Variants in CRAMP1 observed in about 807,000 individuals in gnomAD.
CRAMP1 encodes the protein protein cramped-like.
A neutral mutation model predicts 115.4 loss-of-function variants in CRAMP1; 50 were observed. The ratio of observed to expected loss-of-function variants is 0.43; its 90% CI spans 0.35 to 0.55. CRAMP1 has a LOEUF of 0.55. Among genes scored for constraint, CRAMP1 ranks in the 20% least tolerant of loss-of-function variants. CRAMP1 has a pLI of 0.01. For missense variants in CRAMP1, 1,679 were observed against 1,721.7 expected, an observed-to-expected ratio of 0.98 and a Z score of 0.44; for synonymous variants, 866 against 745.4, an observed-to-expected ratio of 1.16 and a Z score of -2.64.
intron 8 of CRAMP1, among the ~76,000 whole-genome samples, chr16:1,654,106 G>A (rs1339352791): frequency 6.8e-6 from 1 of 146,204 alleles, no homozygotes. Flanking sequence ...TTGCGCCCCT[G>A]CCCTCCAGCC....
chr16:1,666,319 C>T lies in CRAMP1; in HGVS notation c.2858-103C>T. ...AGAACATCTAAGCCCTTGGCTCTTG[C>T]ATTGACATGAGGTGCGAGGGAGAAG... On this transcript the variant is annotated intron_variant, in intron 15 of 20. Coordinates refer to ENST00000397412, the MANE Select transcript of CRAMP1 (RefSeq NM_020825.4). The surrounding 1 kb of genome is among the most constrained non-coding windows in gnomAD (Gnocchi z 5.0). The T allele has an allele frequency of 4.0e-6, 5 of 1,240,932 alleles. No individual in the cohort carries two copies. Among genetic ancestry groups the T allele is most frequent in the Non-Finnish European group, 5.7e-6 (5 of 873,132 alleles). The allele number at this position is 1,240,932 out of a possible 1,614,324, so 76.9% of individuals were successfully genotyped here.
chr16:1,662,217 C>G (rs1176806520), intron 11 of CRAMP1, among the ~76,000 whole-genome samples: 1 of 152,208 alleles, frequency 6.6e-6, no homozygotes, highest in Non-Finnish European at 1.5e-5. Flanking sequence ...GGTGTCTTAT[C>G]TGCCCTTACC....
In CRAMP1 at chr16:1,637,874, TG is replaced by T; in HGVS notation, c.746del (p.Cys249SerfsTer21). 1.3e-6 allele frequency: 2 copies of T among 1,566,562 alleles called. No homozygotes were observed. The highest frequency in any genetic ancestry group is 1.7e-6 in the Non-Finnish European group (2 of 1,158,404). The stretch of plus-strand genomic sequence containing the variant: ...ATCCCAGGAACTGTATGGCCTGATC[TG>T]CTATGGCGAGCTGCGCAAGAAGATT... ...KSSQELYGLI[C>X]YGELRKKIGG... On this transcript the variant is annotated frameshift_variant, in exon 5 of 21. Coordinates refer to ENST00000397412, the MANE Select transcript of CRAMP1 (RefSeq NM_020825.4). LOFTEE classifies it high-confidence loss of function.
At chr16:1,651,650 TCA>T (rs142007655) in intron 6 of CRAMP1, among the ~76,000 whole-genome samples, 3,221 of 137,794 alleles carry the variant, frequency 0.023, 216 homozygotes, top group Admixed American at 0.14. Flanking sequence ...TGGATTGAAG[TCA>T]CACAGAGGTA....
rs2036932527 is a variant in CRAMP1 at position 1,672,777 on chromosome 16, G to A, written c.3646-1104G>A. ...GACGCAGACAATAAGCGCTGAAAAC[G>A]GCACATTCTACGTATTTGCTCATGG... On this transcript the variant is annotated intron_variant, in intron 20 of 20. Coordinates refer to ENST00000397412, the MANE Select transcript of CRAMP1 (RefSeq NM_020825.4). This position sits in a 1 kb window ranked among gnomAD's most constrained non-coding sequence, Gnocchi z 4.9. Among the ~76,000 whole-genome samples the A allele has an allele frequency of 2.0e-5, 3 of 152,098 alleles. No individual in the cohort carries two copies. The highest frequency in any genetic ancestry group is 2.1e-4 in the South Asian group (1 of 4,820).
intron 20 of CRAMP1, 35 bp from the exon 21 acceptor site, chr16:1,673,846 C>A (rs1182439127): frequency 3.1e-6 from 5 of 1,609,568 alleles, no homozygotes; most frequent in Non-Finnish European, 4.2e-6. Context: ...CAGCAGGTCG[C>A]GGTGACTTGT....
chr16:1,624,670 C>T (rs535390128), intron 2 of CRAMP1, among the ~76,000 whole-genome samples: 1 of 152,284 alleles, frequency 6.6e-6, no homozygotes, highest in African/African-American at 2.4e-5. Flanking sequence ...CCACTGCCTC[C>T]CAGGTTCAAA....
rs1340831748 is a variant in CRAMP1, at chr16:1,614,014, T to C, written c.-1-625T>C. On this transcript the variant is annotated intron_variant, in intron 1 of 20. Coordinates refer to ENST00000397412, the MANE Select transcript of CRAMP1 (RefSeq NM_020825.4). This position sits in a 1 kb window ranked among gnomAD's most constrained non-coding sequence, Gnocchi z 4.4. ...GGCAGGCGAGCCCGCGCTTCTCCCGTCCCGGGGTGGATCCGGCCTCCTCTG... is the reference window on the plus strand; with the variant it reads ...GGCAGGCGAGCCCGCGCTTCTCCCGCCCCGGGGTGGATCCGGCCTCCTCTG... Among the ~76,000 whole-genome samples, 2 of 149,818 alleles carry C rather than the reference T, an allele frequency of 1.3e-5. No individual in the cohort carries two copies. The highest frequency in any genetic ancestry group is 4.9e-5 in the African/African-American group (2 of 40,620).
chr16:1,668,172 G>A lies in CRAMP1; in HGVS notation c.3313G>A (p.Ala1105Thr), dbSNP rs763071302. 3.1e-6 allele frequency: 5 copies of A among 1,613,286 alleles called. No homozygotes were observed. The highest frequency in any genetic ancestry group is 4.2e-6 in the Non-Finnish European group (5 of 1,179,720). The change falls in exon 18 of 21, where the codon GCC becomes ACC. Residue 1105 changes from alanine (A) to threonine (T), a missense_variant. Coordinates refer to ENST00000397412, the MANE Select transcript of CRAMP1 (RefSeq NM_020825.4). Reference sequence around the variant, plus strand: ...CATTAGCGACTCCATCATTGAGATCGCCATCAGCTCCGGTCAGTACGGTAA... The same window carrying A: ...CATTAGCGACTCCATCATTGAGATCACCATCAGCTCCGGTCAGTACGGTAA... ...THISDSIIEIAISSGQYGEGV... is the reference protein window; with the variant it reads ...THISDSIIEITISSGQYGEGV...
rs1378628673 is a variant in CRAMP1 at position 1,655,236 on chromosome 16, A to G, written c.1055A>G (p.His352Arg). Residue 352 changes from histidine to arginine, a missense_variant, in exon 9 of 21, where the codon CAT (histidine) becomes CGT (arginine). Physicochemically the swap from His to Arg is conservative, Grantham distance 29. This residue lies in a region of CRAMP1 where 191 missense variants were observed against 236.2 expected (regional missense o/e 0.81). Transcript: ENST00000397412. The part of the protein sequence containing the change: ...NPRLRMIVEL[H>R]RKVSSLIEFL... Reference sequence around the variant, plus strand: ...CTCCGTAGGATGATCGTGGAGCTACATCGAAAGGTCTCCAGCCTCATCGAA... The same window carrying G: ...CTCCGTAGGATGATCGTGGAGCTACGTCGAAAGGTCTCCAGCCTCATCGAA... 4 of 1,613,924 alleles carry G rather than the reference A, an allele frequency of 2.5e-6. No homozygotes were observed. The highest frequency in any genetic ancestry group is 2.2e-5 in the East Asian group (1 of 44,886).
intron 3 of CRAMP1, among the ~76,000 whole-genome samples, chr16:1,628,118 C>G (rs1381195063): frequency 6.6e-6 from 1 of 152,110 alleles, no homozygotes; most frequent in Non-Finnish European, 1.5e-5. Context: ...CGGGTAGATG[C>G]TTTTTGAGGA....
chr16:1,615,568 G>A (rs923942805), intron 2 of CRAMP1, among the ~76,000 whole-genome samples: 32 of 152,310 alleles, frequency 2.1e-4, no homozygotes, highest in Non-Finnish European at 1.8e-4. Flanking sequence ...AGGAAAGAGT[G>A]GTGAAAACGA....
At chr16:1,649,597 C>T (rs558290494) in intron 6 of CRAMP1, among the ~76,000 whole-genome samples, 1 of 152,148 alleles carries the variant, frequency 6.6e-6, no homozygotes, top group African/African-American at 2.4e-5. Flanking sequence ...TCACACCATT[C>T]TCCTGCCTCA....
At chr16:1,658,372 C>T (rs1433110048) in intron 10 of CRAMP1, among the ~76,000 whole-genome samples, 1 of 151,918 alleles carries the variant, frequency 6.6e-6, no homozygotes, top group East Asian at 1.9e-4. Context: ...TTGGTGGGCT[C>T]ATGGGAGGGG....
chr16:1,670,612 G>C, intron 19 of CRAMP1, 52 bp from the exon 20 acceptor site: 3 of 1,601,866 alleles, frequency 1.9e-6, no homozygotes, highest in Non-Finnish European at 2.6e-6. Flanking sequence ...CCGCTGGACT[G>C]GTCCAGACCA....
chr16:1,633,982 T>C (rs2036566516), intron 4 of CRAMP1, among the ~76,000 whole-genome samples: 1 of 151,192 alleles, frequency 6.6e-6, no homozygotes, highest in Non-Finnish European at 1.5e-5. Flanking sequence ...GCAGGAGAAT[T>C]GCACCACTGC....
chr16:1,629,545 G>T (rs1316412708), intron 3 of CRAMP1, among the ~76,000 whole-genome samples: 1 of 152,216 alleles, frequency 6.6e-6, no homozygotes, highest in African/African-American at 2.4e-5. Flanking sequence ...AGATGCCCTG[G>T]GACTTTAGGA....
At chr16:1,653,454 C>A (rs2036741354) in intron 8 of CRAMP1, among the ~76,000 whole-genome samples, 1 of 152,192 alleles carries the variant, frequency 6.6e-6, no homozygotes, top group African/African-American at 2.4e-5. Flanking sequence ...AGTTCCTCTC[C>A]CACCCGCTTC....
chr16:1,627,467 G>C (rs776056816), intron 3 of CRAMP1, among the ~76,000 whole-genome samples: 1 of 152,186 alleles, frequency 6.6e-6, no homozygotes, highest in Non-Finnish European at 1.5e-5. Context: ...GTCAAGCCTG[G>C]GAAGCAGAAT....
Sources: gnomAD v4.1 joint callset for allele counts (sites outside exome capture counted in the v4.1 genomes callset) on GRCh38, gnomAD v4.1.1 for gene constraint, gnomAD v4.1.1 regional missense constraint, Gnocchi (gnomAD v3.1) non-coding constraint, MANE v1.5 for transcripts, NCBI Gene and HGNC (gene_info 2026-07-23, HGNC 2026-07-21) for gene names.